The following ABCA1 variants were observed in gnomAD, a reference collection of about 807,000 sequenced individuals.
ABCA1 encodes the protein phospholipid-transporting ATPase ABCA1.
ABCA1 carries 133 observed loss-of-function variants against 262.5 expected under a neutral mutation model. The ratio of observed to expected loss-of-function variants is 0.51; its 90% CI spans 0.44 to 0.59. The LOEUF (loss-of-function observed/expected upper bound fraction) is 0.59, where lower values mean the gene tolerates loss of function less well. ABCA1 is among the 20% of genes least tolerant of loss of function. The probability of loss-of-function intolerance (pLI) is 0.00; values close to 1 mark genes in which losing one functional copy is unlikely to be tolerated. For synonymous variants in ABCA1, 1,022 were observed against 1,043.5 expected (o/e 0.98, Z 0.40); for missense variants, 2,452 against 2,777.5 (o/e 0.88, Z 2.63).
Position 104,896,711 on chromosome 9 carries a change from C to CTTT in ABCA1, c.66+6900_66+6902dup, listed in dbSNP as rs56710442. Among the ~76,000 whole-genome samples the CTTT allele has an allele frequency of 4.9e-3, 183 of 37,006 alleles. 61 individuals carry two copies. The highest frequency in any genetic ancestry group is 7.0e-3 in the Non-Finnish European group (143 of 20,510). 24.3% of individuals were successfully genotyped at this position (37,006 alleles called of 152,430 possible). On this transcript the variant is annotated intron_variant, in intron 2 of 49. Transcript: ENST00000374736. ...AACTCCAAAATTGCTCCCTACACATCTTTTTTTTTTTTTTTTTTTTTTTTT... is the reference window on the plus strand; with the variant it reads ...AACTCCAAAATTGCTCCCTACACATCTTTTTTTTTTTTTTTTTTTTTTTTTTTT...
chr9:104,814,394 C>T (rs763783465), intron 26 of ABCA1, 33 bp downstream of exon 26: 1 of 1,609,566 alleles, frequency 6.2e-7, no homozygotes, highest in South Asian at 1.1e-5. Context: ...AAGGCACTAT[C>T]TTAAGTGTGC....
intron 28 of ABCA1, 95 bp downstream of exon 28, chr9:104,812,479 A>G (rs547677790): frequency 4.6e-6 from 7 of 1,519,026 alleles, no homozygotes; most frequent in Non-Finnish European, 6.4e-6. Context: ...TCCGGCATCC[A>G]TATCTTGACC....
At chr9:104,807,879 T>C (rs7027802) in intron 30 of ABCA1, among the ~76,000 whole-genome samples, 2,781 of 136,800 alleles carry the variant, frequency 0.02, 45 homozygotes, top group African/African-American at 0.066. Context: ...CACACACATA[T>C]ATATATTATA....
intron 43 of ABCA1, among the ~76,000 whole-genome samples, chr9:104,791,513 C>T (rs1829423577): frequency 6.9e-6 from 1 of 144,188 alleles, no homozygotes; most frequent in East Asian, 2.1e-4. Context: ...GGCAACCTCC[C>T]CCTCCTAGGT....
In ABCA1 at chr9:104,837,024, T is replaced by C; in HGVS notation, c.1267A>G (p.Ile423Val). ...EGMWEELSPK[I>V]WTFMENSQEM... ...TGGCTGTTCTCCATGAAGGTCCAGA[T>C]CTTGGGGCTGAGTTCCTCCCACATG... Residue 423 changes from isoleucine (I) to valine (V), a missense_variant, in exon 11 of 50, where the codon ATC (isoleucine) becomes GTC (valine). Around this residue, in one of 4 missense-constraint regions of ABCA1, gnomAD observed 1,032 missense variants for 1,089.7 expected, o/e 0.95. Transcript: ENST00000374736. The C allele has an allele frequency of 6.2e-7, 1 of 1,614,136 alleles. No individual in the cohort carries two copies. The highest frequency in any genetic ancestry group is 8.5e-7 in the Non-Finnish European group (1 of 1,180,034).
At chr9:104,797,246 CTG>C (rs1361998520) in intron 37 of ABCA1, among the ~76,000 whole-genome samples, 1 of 152,144 alleles carries the variant, frequency 6.6e-6, no homozygotes, top group Non-Finnish European at 1.5e-5. Flanking sequence ...AGCACTCAGT[CTG>C]TGTTTACTGA....
chr9:104,875,796 A>C (rs1259293617), intron 5 of ABCA1, among the ~76,000 whole-genome samples: 2 of 152,098 alleles, frequency 1.3e-5, no homozygotes, highest in African/African-American at 4.8e-5. Context: ...GCACTATTCA[A>C]CTCAAATCAT....
chr9:104,875,018 T>C (rs1184292106), intron 5 of ABCA1, among the ~76,000 whole-genome samples: 1 of 151,930 alleles, frequency 6.6e-6, no homozygotes, highest in Non-Finnish European at 1.5e-5. Context: ...GAATGGGCCA[T>C]GATGACAATG....
intron 11 of ABCA1, among the ~76,000 whole-genome samples, chr9:104,836,330 C>T (rs1188619791): frequency 2.0e-5 from 3 of 152,316 alleles, no homozygotes; most frequent in South Asian, 2.1e-4. Flanking sequence ...AGAGGCCTCC[C>T]TCACCATGGA....
chr9:104,788,078 A>T, intron 45 of ABCA1, 24 bp from the exon 46 acceptor site: 1 of 1,613,344 alleles, frequency 6.2e-7, no homozygotes. Context: ...AAGCACCTTG[A>T]CTTTGGTCTG....
chr9:104,896,711 CTTTTTTTTTTTTTTTTTTTTT>C (rs56710442), intron 2 of ABCA1, among the ~76,000 whole-genome samples: 2 of 36,988 alleles, frequency 5.4e-5, no homozygotes, highest in Admixed American at 4.5e-4. Context: ...CCCTACACAT[CTTTTTTTTTTTTTTTTTTTTT>C]TTTTTTTTTT....
chr9:104,799,606 A>G (rs975174815), intron 36 of ABCA1: 3 of 985,270 alleles, frequency 3.0e-6, no homozygotes, highest in African/African-American at 1.7e-5. Flanking sequence ...CGATTTTTAC[A>G]TATCAGTGTC....
intron 49 of ABCA1, among the ~76,000 whole-genome samples, chr9:104,784,711 T>C (rs1447511953): frequency 6.6e-6 from 1 of 152,208 alleles, no homozygotes; most frequent in African/African-American, 2.4e-5. Context: ...TGGCGAGACC[T>C]TGGCTCACTG....
At chr9:104,801,471 C>T (rs12004453) in intron 34 of ABCA1, among the ~76,000 whole-genome samples, 12,147 of 151,544 alleles carry the variant, frequency 0.08, 1,194 homozygotes, top group African/African-American at 0.24. Context: ...TTGCCCGCCT[C>T]GGCATCCCAA....
Position 104,785,560 on chromosome 9 carries a change from G to T in ABCA1, c.6481C>A (p.Leu2161Ile), listed in dbSNP as rs1259379663. The T allele has an allele frequency of 6.2e-7, 1 of 1,613,354 alleles. No individual in the cohort carries two copies. The highest frequency in any genetic ancestry group is 8.5e-7 in the Non-Finnish European group (1 of 1,179,512). ...TTTAGAACACTTCCAGGAAATGCAA[G>T]TCCAAAGAAATCCTGGACAGGCTTC... is the stretch of plus-strand genomic sequence containing the variant. ...DLKPVQDFFG[L>I]AFPGSVLKEK... The change falls in exon 49 of 50, where the codon CTT (leucine) becomes ATT (isoleucine). Residue 2161 changes from leucine (L) to isoleucine (I), a missense_variant. Leu to Ile is a conservative substitution (Grantham distance 5). Transcript: ENST00000374736.
intron 7 of ABCA1, among the ~76,000 whole-genome samples, chr9:104,854,854 A>G (rs562769850): frequency 6.6e-6 from 1 of 152,346 alleles, no homozygotes; most frequent in South Asian, 2.1e-4. Flanking sequence ...CTTTGTTCTC[A>G]TCAAAAGGAT....
intron 7 of ABCA1, among the ~76,000 whole-genome samples, chr9:104,852,180 A>G (rs997046383): frequency 2.0e-5 from 3 of 152,236 alleles, no homozygotes; most frequent in Admixed American, 6.5e-5. Flanking sequence ...GCAAAATCCA[A>G]CTCAGGCTGG....
intron 35 of ABCA1, 69 bp downstream of exon 35, chr9:104,800,441 G>C: frequency 6.8e-7 from 1 of 1,477,326 alleles, no homozygotes; most frequent in Non-Finnish European, 9.5e-7. Flanking sequence ...ACCATGAGTT[G>C]AAAGTACTCC....
intron 5 of ABCA1, among the ~76,000 whole-genome samples, chr9:104,877,861 A>G (rs1010341021): frequency 2.0e-5 from 3 of 152,240 alleles, no homozygotes; most frequent in East Asian, 1.9e-4. Flanking sequence ...ATGTTTTCCA[A>G]TCTTCAATCA....
Sources: allele counts gnomAD v4.1 joint callset (sites outside exome capture counted in the v4.1 genomes callset), GRCh38; gene constraint gnomAD v4.1.1; regional missense constraint gnomAD v4.1.1; transcripts MANE v1.5; gene names NCBI Gene and HGNC (gene_info 2026-07-23, HGNC 2026-07-21).